DOCK5: variants seen among roughly 807,000 people sequenced by gnomAD.
The protein encoded by DOCK5 is dedicator of cytokinesis protein 5.
DOCK5 carries 142 observed loss-of-function variants against 251.8 expected under a neutral mutation model. The observed-to-expected ratio is 0.56, with a 90% CI of 0.49 to 0.65. DOCK5 has a LOEUF of 0.65. Ranked by LOEUF, DOCK5 falls within the 30% of genes least tolerant of loss-of-function variation. The pLI, the probability that DOCK5 is intolerant of heterozygous loss-of-function variation, is 0.00. For missense variants in DOCK5, 2,111 were observed against 2,312.3 expected (o/e 0.91, Z 1.79); for synonymous variants, 842 against 835.5 (o/e 1.01, Z -0.13).
intron 45 of DOCK5, 42 bp downstream of exon 45, chr8:25,395,761 G>C (rs1397348969): frequency 1.3e-6 from 2 of 1,586,248 alleles, no homozygotes; most frequent in Admixed American, 1.8e-5. Context: ...CACAGACCTG[G>C]GTGTCTGTGT....
At position 25,332,618 on chromosome 8, in the gene DOCK5, C is replaced by CTAGAT; in HGVS notation, c.2018_2022dup (p.Ala675Ter). 6.2e-7 allele frequency: 1 copy of CTAGAT among 1,611,434 alleles called. No homozygotes were observed. Among genetic ancestry groups the CTAGAT allele is most frequent in the Non-Finnish European group, 8.5e-7 (1 of 1,178,972 alleles). On this transcript the variant is annotated frameshift_variant, in exon 20 of 52. Coordinates refer to ENST00000276440, the MANE Select transcript of DOCK5 (RefSeq NM_024940.8). LOFTEE classifies it high-confidence loss of function. ...TTATCTTCAGTTTTTGCAAGATACA[C>CTAGAT]TAGATGCACTCTTTAACATAATGAT...
At chr8:25,258,588 T>C (rs1222886475) in intron 2 of DOCK5, among the ~76,000 whole-genome samples, 1 of 152,102 alleles carries the variant, frequency 6.6e-6, no homozygotes, top group Non-Finnish European at 1.5e-5. Context: ...GCGCTGCCTG[T>C]CTCTGCCCAC....
intron 6 of DOCK5, among the ~76,000 whole-genome samples, chr8:25,294,274 G>A (rs540308266): frequency 6.6e-6 from 1 of 152,284 alleles, no homozygotes; most frequent in African/African-American, 2.4e-5. Context: ...CATGAGTCTG[G>A]GTGGCCTGTG....
chr8:25,413,579 T>G lies in DOCK5; in HGVS notation c.*2281T>G, dbSNP rs1028138110. ...TCTACTTGCCGGGCTGCCATTAAAA[T>G]AGAAAGATATAAAACTGGGTCACCA... On this transcript the variant is annotated 3_prime_UTR_variant, in exon 52 of 52. Transcript: ENST00000276440. The G allele has an allele frequency of 6.6e-6, 1 of 152,108 alleles. No individual in the cohort carries two copies. The highest frequency in any genetic ancestry group is 2.4e-5 in the African/African-American group (1 of 41,408). The allele number at this position is 152,108 out of a possible 1,614,324, so 9.4% of individuals were successfully genotyped here.
intron 1 of DOCK5, among the ~76,000 whole-genome samples, chr8:25,220,535 G>A (rs1257527328): frequency 1.4e-5 from 2 of 138,460 alleles, no homozygotes; most frequent in South Asian, 2.1e-4. Context: ...GTCACAGCAC[G>A]TTTCATGTGT....
intron 45 of DOCK5, among the ~76,000 whole-genome samples, chr8:25,396,031 G>A (rs184581518): frequency 1.5e-3 from 232 of 152,202 alleles, no homozygotes; most frequent in Admixed American, 8.4e-3. Flanking sequence ...GAACCCAGGC[G>A]CACTGGAAAT....
intron 21 of DOCK5, among the ~76,000 whole-genome samples, chr8:25,334,516 G>T (rs1805756184): frequency 6.6e-6 from 1 of 152,056 alleles, no homozygotes; most frequent in African/African-American, 2.4e-5. Flanking sequence ...TTCAAGACCA[G>T]CCTAGGCAAC....
intron 1 of DOCK5, among the ~76,000 whole-genome samples, chr8:25,224,686 T>C (rs1802483753): frequency 6.6e-6 from 1 of 152,170 alleles, no homozygotes; most frequent in African/African-American, 2.4e-5. Context: ...TTGAAAGACA[T>C]GGCATCATAT....
chr8:25,363,102 A>T lies in DOCK5; in HGVS notation c.3005A>T (p.Tyr1002Phe). 1.2e-6 allele frequency: 2 copies of T among 1,614,080 alleles called. No individual in the cohort carries two copies. The highest frequency in any genetic ancestry group is 1.7e-6 in the Non-Finnish European group (2 of 1,179,888). The change falls in exon 29 of 52, where the codon TAT (tyrosine) becomes TTT (phenylalanine). Residue 1002 changes from tyrosine to phenylalanine, a missense_variant. Transcript: ENST00000276440. ...AAGGACCTGATTGGAAAGAATGTCT[A>T]TGCCAAAGATTGGATGGTGATGAAT... ...MFKDLIGKNV[Y>F]AKDWMVMNMT...
intron 2 of DOCK5, among the ~76,000 whole-genome samples, chr8:25,252,977 A>C (rs1392416834): frequency 6.6e-6 from 1 of 152,142 alleles, no homozygotes; most frequent in East Asian, 1.9e-4. Context: ...GATTACAGGC[A>C]CGTGCCACCA....
rs373021303 is a variant in DOCK5, at chr8:25,366,954, A to C, written c.3208A>C (p.Asn1070His). The C allele has an allele frequency of 1.4e-5, 22 of 1,613,670 alleles. No homozygotes were observed. Among genetic ancestry groups the C allele is most frequent in the Non-Finnish European group, 1.7e-5 (20 of 1,179,758 alleles). The change falls in exon 31 of 52, where the codon AAC (asparagine) becomes CAC (histidine). Residue 1070 changes from asparagine (N) to histidine (H), a missense_variant. Asn to His is a moderately conservative substitution (Grantham distance 68). Coordinates refer to ENST00000276440, the MANE Select transcript of DOCK5 (RefSeq NM_024940.8). ...TGAAACCTTCTCACAAGCCAAGCGC[A>C]ACAAAATTGTTAAAAAGTAAGTGTC... Reference protein sequence around the residue: ...QLETFSQAKRNKIVKKYGDMR... With the variant: ...QLETFSQAKRHKIVKKYGDMR...
At position 25,403,579 on chromosome 8, in the gene DOCK5, A is replaced by T; in HGVS notation, c.4948A>T (p.Lys1650Ter). The change falls in exon 48 of 52, where the codon AAG becomes TAG. Residue 1650 changes from lysine to a stop codon, truncating the protein, a stop_gained. Transcript: ENST00000276440. LOFTEE classifies it high-confidence loss of function. ...TCAGCCACCCAACTTGACGGAGAGG[A>T]AGCAAAGCCGCACGGGGTCTATTGT... Reference protein sequence around the residue: ...ITLPPNLTERKQSRTGSIVLP... With the variant: ...ITLPPNLTER The T allele has an allele frequency of 1.2e-6, 2 of 1,613,760 alleles. No homozygotes were observed. Among genetic ancestry groups the T allele is most frequent in the Non-Finnish European group, 1.7e-6 (2 of 1,179,806 alleles).
At chr8:25,395,418 G>C in intron 44 of DOCK5, 125 bp from the exon 45 acceptor site, 3 of 1,092,590 alleles carry the variant, frequency 2.7e-6, no homozygotes, top group Non-Finnish European at 3.9e-6. Context: ...ACCTTGATTA[G>C]CAAATCTTCC....
At chr8:25,236,152 T>G (rs1802791794) in intron 1 of DOCK5, among the ~76,000 whole-genome samples, 1 of 152,094 alleles carries the variant, frequency 6.6e-6, no homozygotes, top group African/African-American at 2.4e-5. Context: ...TCCTCTCTTC[T>G]CCTAAACTAT....
intron 5 of DOCK5, among the ~76,000 whole-genome samples, chr8:25,285,184 C>A (rs1215906679): frequency 1.3e-5 from 2 of 151,814 alleles, no homozygotes; most frequent in Non-Finnish European, 2.9e-5. Context: ...TCATTATTCT[C>A]GCCCAGGCTG....
intron 1 of DOCK5, among the ~76,000 whole-genome samples, chr8:25,218,423 A>C (rs1802304144): frequency 6.6e-6 from 1 of 152,098 alleles, no homozygotes; most frequent in Non-Finnish European, 1.5e-5. Flanking sequence ...GTGCTCTTAC[A>C]GTTTTATTTC....
rs1248971608 is a variant in DOCK5 at position 25,184,706 on chromosome 8, C to G, written c.-203C>G. 1 of 206,374 alleles carries G rather than the reference C, an allele frequency of 4.8e-6. No individual in the cohort carries two copies. Among genetic ancestry groups the G allele is most frequent in the East Asian group, 1.3e-4 (1 of 7,456 alleles). The allele number at this position is 206,374 out of a possible 1,614,324, so 12.8% of individuals were successfully genotyped here. ...GGGCGCGCACTGCTGCGCTGCAGCC[C>G]GGCCCAGCAGGTGACCGCGGGCGGC... is the stretch of plus-strand genomic sequence containing the variant. On this transcript the variant is annotated 5_prime_UTR_variant, in exon 1 of 52. Coordinates refer to ENST00000276440, the MANE Select transcript of DOCK5 (RefSeq NM_024940.8).
chr8:25,353,813 C>T (rs1255830847), intron 27 of DOCK5, among the ~76,000 whole-genome samples: 2 of 151,976 alleles, frequency 1.3e-5, no homozygotes, highest in Middle Eastern at 3.4e-3. Context: ...CACCTGAGGT[C>T]AGGAGTTCGA....
intron 1 of DOCK5, among the ~76,000 whole-genome samples, chr8:25,208,831 T>C (rs142294937): frequency 6.6e-6 from 1 of 152,146 alleles, no homozygotes; most frequent in Non-Finnish European, 1.5e-5. Context: ...TTGCTTCTGA[T>C]TGAGGTTAAA....
Sources: gnomAD v4.1 joint callset for allele counts (sites outside exome capture counted in the v4.1 genomes callset) on GRCh38, gnomAD v4.1.1 for gene constraint, MANE v1.5 for transcripts, NCBI Gene and HGNC (gene_info 2026-07-23, HGNC 2026-07-21) for gene names.